The following SLC9B1 variants were observed in gnomAD, a reference collection of about 807,000 sequenced individuals.
SLC9B1 encodes the protein sodium/hydrogen exchanger 9B1.
SLC9B1 carries 32 observed loss-of-function variants against 51.7 expected under a neutral mutation model. The observed-to-expected ratio is 0.62, with a 90% CI of 0.47 to 0.83. The LOEUF is 0.83. SLC9B1 is among the 40% of genes least tolerant of loss of function. The pLI, the probability that SLC9B1 is intolerant of heterozygous loss-of-function variation, is 0.00. For synonymous variants in SLC9B1, 145 were observed against 212.7 expected, an observed-to-expected ratio of 0.68 and a Z score of 2.77; for missense variants, 406 against 613.2, an observed-to-expected ratio of 0.66 and a Z score of 3.57.
downstream of SLC9B1, among the ~76,000 whole-genome samples, chr4:102,900,446 T>C (rs1427793108): frequency 6.6e-6 from 1 of 152,254 alleles, no homozygotes; most frequent in Non-Finnish European, 1.5e-5. Context: ...GAAAAAAATA[T>C]AGTTTACTTC....
Position 102,910,558 on chromosome 4 carries a change from C to G in SLC9B1, c.967G>C (p.Val323Leu). 6.6e-7 allele frequency: 1 copy of G among 1,512,352 alleles called. No individual in the cohort carries two copies. Among genetic ancestry groups the G allele is most frequent in the Non-Finnish European group, 8.8e-7 (1 of 1,133,428 alleles). The allele number at this position is 1,512,352 out of a possible 1,614,324, so 93.7% of individuals were successfully genotyped here. A position where few individuals can be genotyped will look rare whatever the true frequency, so the allele number is the denominator to read the frequency against. Residue 323 changes from valine (V) to leucine (L), a missense_variant, in exon 9 of 12, where the codon GTT (valine) becomes CTT (leucine). By Grantham distance (32) the Val-to-Leu change is conservative. This residue lies in a region of SLC9B1 where 250 missense variants were observed against 394.1 expected (regional missense o/e 0.63). Transcript: ENST00000296422. Reference sequence around the variant, plus strand: ...ACGGCAGAAACACACATAGTCAAAACAAGGAATCCTCTCTTCAATGTAAGT... The same window carrying G: ...ACGGCAGAAACACACATAGTCAAAAGAAGGAATCCTCTCTTCAATGTAAGT... ...KKLTLKRGFL[V>L]LTMCVSAVLG...
chr4:102,904,547 T>TA (rs1223115665), intron 11 of SLC9B1, among the ~76,000 whole-genome samples: 1 of 152,116 alleles, frequency 6.6e-6, no homozygotes, highest in Non-Finnish European at 1.5e-5. Context: ...AACTGAGATT[T>TA]AAAAAGGTTA....
intron 11 of SLC9B1, among the ~76,000 whole-genome samples, chr4:102,894,325 T>A (rs1486792869): frequency 6.6e-6 from 1 of 152,228 alleles, no homozygotes; most frequent in East Asian, 1.9e-4. Context: ...CATTATTTGT[T>A]ATTAAAGATT....
intron 1 of SLC9B1, among the ~76,000 whole-genome samples, chr4:102,997,916 G>A (rs961235150): frequency 6.6e-6 from 1 of 152,030 alleles, no homozygotes; most frequent in African/African-American, 2.4e-5. Flanking sequence ...AAATTTAACT[G>A]TCATTCTTGC....
At chr4:102,975,401 T>A (rs1739002439) in intron 3 of SLC9B1, among the ~76,000 whole-genome samples, 1 of 151,772 alleles carries the variant, frequency 6.6e-6, no homozygotes, top group Non-Finnish European at 1.5e-5. Flanking sequence ...CTCAAGTTTT[T>A]AAACTTCCTT....
chr4:102,913,562 T>TA (rs541994647), intron 7 of SLC9B1, among the ~76,000 whole-genome samples: 155 of 150,320 alleles, frequency 1.0e-3, no homozygotes, highest in African/African-American at 3.6e-3. Context: ...AAGTAAAAAA[T>TA]AAAAAAATAA....
intron 11 of SLC9B1, among the ~76,000 whole-genome samples, chr4:102,902,026 C>G (rs1001929232): frequency 5.3e-5 from 8 of 152,198 alleles, no homozygotes; most frequent in Admixed American, 5.2e-4. Context: ...AAGTTTCTCT[C>G]TCCCTCACTC....
intron 3 of SLC9B1, among the ~76,000 whole-genome samples, chr4:102,965,784 TA>T (rs59363262): frequency 0.58 from 85,474 of 147,840 alleles, 25,287 homozygotes; most frequent in African/African-American, 0.76. Context: ...TGTAAAATAA[TA>T]AAAAAAAAAA....
intron 11 of SLC9B1, chr4:102,888,232 G>A (rs1433426308): frequency 6.6e-6 from 1 of 152,178 alleles, no homozygotes; most frequent in Non-Finnish European, 1.5e-5. Context: ...TTGTGTTTAT[G>A]TGGATATTTT....
At chr4:102,905,209 GTTTA>G (rs138082740) in intron 11 of SLC9B1, among the ~76,000 whole-genome samples, 4,133 of 146,004 alleles carry the variant, frequency 0.028, 185 homozygotes, top group African/African-American at 0.096. Context: ...CTTTGTTTTT[GTTTA>G]TTTATTTATT....
At chr4:102,989,551 C>A (rs1188444938) in intron 3 of SLC9B1, among the ~76,000 whole-genome samples, 4 of 151,814 alleles carry the variant, frequency 2.6e-5, no homozygotes, top group African/African-American at 7.3e-5. Flanking sequence ...TGTTTCTAAT[C>A]CCAAAAATTT....
intron 3 of SLC9B1, among the ~76,000 whole-genome samples, chr4:102,964,939 G>C (rs1738342319): frequency 6.6e-6 from 1 of 151,830 alleles, no homozygotes; most frequent in Non-Finnish European, 1.5e-5. Context: ...AAAAAGTTAT[G>C]GAAAAAAGAC....
At chr4:102,892,305 T>G (rs1360695663) in intron 11 of SLC9B1, 1 of 152,202 alleles carries the variant, frequency 6.6e-6, no homozygotes, top group African/African-American at 2.4e-5. Context: ...TGATCCTCCC[T>G]GCCTCAGCAC....
chr4:103,007,591 C>CT lies in SLC9B1; in HGVS notation c.-2+12007dup, dbSNP rs58447131. 4.4e-3 allele frequency among the ~76,000 whole-genome samples: 472 copies of CT among 107,696 alleles called. 8 individuals are homozygous for CT. Among genetic ancestry groups the CT allele is most frequent in the East Asian group, 0.029 (111 of 3,774 alleles). 70.7% of individuals were successfully genotyped at this position (107,696 alleles called of 152,430 possible). ...TGGGTAATTTACAATCTCTTGTCAT[C>CT]TTTTTTTTTTTTTTTTTTTTTTCTG... On this transcript the variant is annotated intron_variant, in intron 1 of 11. Coordinates refer to ENST00000296422, the MANE Select transcript of SLC9B1 (RefSeq NM_139173.4).
intron 7 of SLC9B1, among the ~76,000 whole-genome samples, chr4:102,912,861 TA>T (rs1735404256): frequency 1.3e-5 from 2 of 151,692 alleles, no homozygotes; most frequent in Non-Finnish European, 2.9e-5. Flanking sequence ...CTCAAGAAAA[TA>T]AAATACAATA....
intron 3 of SLC9B1, among the ~76,000 whole-genome samples, chr4:102,968,300 A>G (rs1276857120): frequency 2.0e-5 from 3 of 152,254 alleles, no homozygotes; most frequent in South Asian, 4.1e-4. Flanking sequence ...ATTCATTTAC[A>G]AAAACTAAAC....
At chr4:102,893,281 C>CAAAAAAAAAAAAAAAAAAAAAA (rs58316456) in intron 11 of SLC9B1, among the ~76,000 whole-genome samples, 9 of 35,160 alleles carry the variant, frequency 2.6e-4, no homozygotes, top group Admixed American at 9.7e-4. Flanking sequence ...GACTCCATCT[C>CAAAAAAAAAAAAAAAAAAAAAA]AAAAAAAAAA....
intron 11 of SLC9B1, chr4:102,892,631 C>T (rs1734307674): frequency 6.6e-6 from 1 of 152,152 alleles, no homozygotes; most frequent in African/African-American, 2.4e-5. Flanking sequence ...ATTTGTGATA[C>T]TGTTTTCTTA....
chr4:102,917,377 CT>C (rs1735628945), intron 7 of SLC9B1, among the ~76,000 whole-genome samples: 1 of 151,812 alleles, frequency 6.6e-6, no homozygotes, highest in Non-Finnish European at 1.5e-5. Flanking sequence ...GCCAATTCTC[CT>C]TAATAAATTA....
Sources: gnomAD v4.1 joint callset for allele counts (sites outside exome capture counted in the v4.1 genomes callset) on GRCh38, gnomAD v4.1.1 for gene constraint, gnomAD v4.1.1 regional missense constraint, MANE v1.5 for transcripts, NCBI Gene and HGNC (gene_info 2026-07-23, HGNC 2026-07-21) for gene names.